FTO: variants seen among roughly 807,000 people sequenced by gnomAD.
The protein encoded by FTO is alpha-ketoglutarate-dependent dioxygenase FTO.
A neutral mutation model predicts 63.9 loss-of-function variants in FTO; 47 were observed. The observed-to-expected ratio is 0.74, with a 90% confidence interval of 0.58 to 0.94. FTO has a LOEUF of 0.94. FTO is among the 40% of genes least tolerant of loss of function. The pLI is 0.00. For synonymous variants in FTO, 207 were observed against 224.4 expected (o/e 0.92, Z 0.69); for missense variants, 562 against 618.1 (o/e 0.91, Z 0.96).
chr16:53,923,863 A>C (rs775963989), intron 7 of FTO, among the ~76,000 whole-genome samples: 15 of 151,962 alleles, frequency 9.9e-5, no homozygotes, highest in Admixed American at 3.3e-4. Context: ...GGTCGCCCAC[A>C]TGACTGTCCC....
chr16:53,997,500 T>C (rs1455809223), intron 8 of FTO, among the ~76,000 whole-genome samples: 3 of 130,966 alleles, frequency 2.3e-5, no homozygotes, highest in Non-Finnish European at 3.0e-5. Flanking sequence ...CTGGCAGAAA[T>C]AATGGCTAAG....
At chr16:53,765,228 G>C (rs1247755487) in intron 1 of FTO, among the ~76,000 whole-genome samples, 1 of 151,950 alleles carries the variant, frequency 6.6e-6, no homozygotes, top group Non-Finnish European at 1.5e-5. Context: ...TTCTCATGGA[G>C]ATTAATATTC....
intron 8 of FTO, among the ~76,000 whole-genome samples, chr16:54,110,282 T>C (rs1734373978): frequency 6.6e-6 from 1 of 152,194 alleles, no homozygotes; most frequent in Non-Finnish European, 1.5e-5. Flanking sequence ...GCAGCTTCTG[T>C]TGCTTTAATT....
chr16:53,799,468 C>T (rs1378927217), intron 1 of FTO, among the ~76,000 whole-genome samples: 4 of 152,042 alleles, frequency 2.6e-5, no homozygotes, highest in Non-Finnish European at 5.9e-5. Flanking sequence ...AAGCATATCC[C>T]TGGCATATAG....
intron 8 of FTO, among the ~76,000 whole-genome samples, chr16:54,059,254 C>T (rs968288698): frequency 1.3e-5 from 2 of 152,320 alleles, no homozygotes; most frequent in Non-Finnish European, 2.9e-5. Context: ...GGAGCCATTG[C>T]ATTTCCCGAC....
At chr16:54,018,739 A>T (rs936049603) in intron 8 of FTO, among the ~76,000 whole-genome samples, 4 of 152,096 alleles carry the variant, frequency 2.6e-5, no homozygotes, top group Admixed American at 2.6e-4. Context: ...TGTGAAGAAG[A>T]ATGTGTTTGC....
At chr16:54,088,994 T>G (rs775767300) in intron 8 of FTO, among the ~76,000 whole-genome samples, 3 of 152,226 alleles carry the variant, frequency 2.0e-5, no homozygotes, top group Non-Finnish European at 2.9e-5. Context: ...CAATAGGAGA[T>G]GGCAGGAAGT....
intron 4 of FTO, among the ~76,000 whole-genome samples, chr16:53,870,660 T>C (rs951604416): frequency 2.6e-5 from 4 of 152,234 alleles, no homozygotes; most frequent in African/African-American, 9.7e-5. Context: ...TCCTCTTTTG[T>C]GCTTTTTCAT....
At chr16:53,715,137 T>C (rs1189874010) in intron 1 of FTO, among the ~76,000 whole-genome samples, 1 of 152,210 alleles carries the variant, frequency 6.6e-6, no homozygotes, top group Non-Finnish European at 1.5e-5. Flanking sequence ...TATTAGATGC[T>C]TTATTTTTCA....
chr16:53,937,427 C>G (rs1284180440), intron 8 of FTO: 2 of 394,338 alleles, frequency 5.1e-6, no homozygotes, highest in Admixed American at 8.8e-5. Context: ...CCTTCTTGAC[C>G]TGCGTAGCCC....
At chr16:53,785,981 A>G (rs11075990) in intron 1 of FTO, among the ~76,000 whole-genome samples, 61,198 of 150,718 alleles carry the variant, frequency 0.41, 12,836 homozygotes, top group African/African-American at 0.48. Flanking sequence ...GTGGGAGCTC[A>G]TTAAGAAGGT....
At chr16:53,892,677 C>G (rs553764075) in intron 7 of FTO, among the ~76,000 whole-genome samples, 46 of 152,216 alleles carry the variant, frequency 3.0e-4, no homozygotes, top group Non-Finnish European at 5.4e-4. Context: ...ACATCGATCT[C>G]TTTTGCTGAG....
intron 8 of FTO, among the ~76,000 whole-genome samples, chr16:54,054,868 A>T (rs1031653039): frequency 6.6e-6 from 1 of 152,200 alleles, no homozygotes; most frequent in East Asian, 1.9e-4. Context: ...AAAAGGCGGA[A>T]CTTAGTTCCT....
At chr16:54,058,445 A>G (rs1429440920) in intron 8 of FTO, among the ~76,000 whole-genome samples, 1 of 152,172 alleles carries the variant, frequency 6.6e-6, no homozygotes, top group Non-Finnish European at 1.5e-5. Flanking sequence ...CCAGCGCAGT[A>G]AAGAAACAGC....
At chr16:54,063,692 T>G in intron 8 of FTO, 1 of 141,700 alleles carries the variant, frequency 7.1e-6, no homozygotes, top group African/African-American at 2.9e-5. Context: ...TAGAACTCTT[T>G]TCTTTTTTTT....
chr16:53,759,505 C>T (rs1346971761), intron 1 of FTO, among the ~76,000 whole-genome samples: 1 of 151,874 alleles, frequency 6.6e-6, no homozygotes, highest in African/African-American at 2.4e-5. Flanking sequence ...ACCAGCCTGG[C>T]CAACATGGCA....
chr16:53,916,816 T>A (rs2081880072), intron 7 of FTO, among the ~76,000 whole-genome samples: 1 of 152,256 alleles, frequency 6.6e-6, no homozygotes, highest in Non-Finnish European at 1.5e-5. Flanking sequence ...ATTTTCACCC[T>A]TGACCTGGGA....
At chr16:53,744,389 C>G (rs1034550643) in intron 1 of FTO, among the ~76,000 whole-genome samples, 2 of 152,198 alleles carry the variant, frequency 1.3e-5, no homozygotes, top group Non-Finnish European at 2.9e-5. Context: ...TAAATCGGCT[C>G]ATGCTAGGTT....
At chr16:54,088,631 A>G (rs1390312930) in intron 8 of FTO, among the ~76,000 whole-genome samples, 2 of 152,254 alleles carry the variant, frequency 1.3e-5, no homozygotes, top group Non-Finnish European at 2.9e-5. Flanking sequence ...GATATTCCAA[A>G]TACGGCAGTG....
Sources: allele counts gnomAD v4.1 joint callset (sites outside exome capture counted in the v4.1 genomes callset), GRCh38; gene constraint gnomAD v4.1.1; transcripts MANE v1.5; gene names NCBI Gene and HGNC (gene_info 2026-07-23, HGNC 2026-07-21).